The following POLN variants were observed in gnomAD, a reference collection of about 807,000 sequenced individuals.
The protein encoded by POLN is DNA polymerase N.
A neutral mutation model predicts 113.5 loss-of-function variants in POLN; 108 were observed. That is an observed-to-expected ratio of 0.95 (90% CI 0.81 to 1.12). POLN has a LOEUF of 1.12. POLN is among the 50% of genes most tolerant of loss of function. POLN has a pLI of 0.00. For missense variants in POLN, 1,097 were observed against 1,077.1 expected, an observed-to-expected ratio of 1.02 and a Z score of -0.26; for synonymous variants, 386 against 391.5, an observed-to-expected ratio of 0.99 and a Z score of 0.17.
chr4:2,155,725 T>C (rs1732407896), intron 16 of POLN, among the ~76,000 whole-genome samples: 1 of 152,236 alleles, frequency 6.6e-6, no homozygotes, highest in Admixed American at 6.5e-5. Flanking sequence ...ATTTAATTCA[T>C]ATATTTAAAT....
chr4:2,174,824 C>CTTTT (rs35293526), intron 9 of POLN, 73 bp from the exon 10 acceptor site: 20 of 831,670 alleles, frequency 2.4e-5, no homozygotes, highest in Middle Eastern at 3.9e-4. Flanking sequence ...GAAAAGCCTA[C>CTTTT]TTTTTTTTTT....
In POLN at chr4:2,088,605, A is replaced by C. The variant is rs373349881; in HGVS notation, c.2066-2861T>G. On this transcript the variant is annotated intron_variant, in intron 20 of 25. Transcript: ENST00000511885. ...ATTAGCTAATCAACTGATCTACAAC[A>C]ATTTTCATGAAAATCACAATTTGAA... 219 of 626,672 alleles carry C rather than the reference A, an allele frequency of 3.5e-4. 2 individuals are homozygous for C. The South Asian group carries it at 6.1e-3, about 17-fold the overall frequency. 38.8% of individuals were successfully genotyped at this position (626,672 alleles called of 1,614,324 possible).
intron 16 of POLN, among the ~76,000 whole-genome samples, chr4:2,156,135 A>G (rs1300061614): frequency 2.0e-5 from 3 of 152,184 alleles, no homozygotes; most frequent in African/African-American, 7.2e-5. Flanking sequence ...CCTGGCCTAA[A>G]AAATTGTATT....
chr4:2,232,722 G>C (rs1734627542), intron 2 of POLN, among the ~76,000 whole-genome samples: 1 of 152,126 alleles, frequency 6.6e-6, no homozygotes, highest in African/African-American at 2.4e-5. Context: ...TCCTGCTCAA[G>C]AATCTAGCCA....
chr4:2,130,301 G>GGAGGA (rs1561020635), intron 17 of POLN, among the ~76,000 whole-genome samples: 1 of 145,226 alleles, frequency 6.9e-6, no homozygotes, highest in African/African-American at 2.5e-5. Context: ...AGAGGGGAGG[G>GGAGGA]GAGGGGAGGG....
At chr4:2,107,783 G>A (rs1411150613) in intron 19 of POLN, among the ~76,000 whole-genome samples, 1 of 152,192 alleles carries the variant, frequency 6.6e-6, no homozygotes, top group East Asian at 1.9e-4. Flanking sequence ...ATGCTTGTGG[G>A]ACAGCCAGGG....
intron 7 of POLN, among the ~76,000 whole-genome samples, chr4:2,184,683 C>T (rs1470047739): frequency 6.6e-6 from 1 of 152,124 alleles, no homozygotes; most frequent in African/African-American, 2.4e-5. Context: ...TGTAACAGGG[C>T]TCCTTGAAGA....
chr4:2,227,894 A>T (rs1306506957), intron 3 of POLN: 2 of 152,230 alleles, frequency 1.3e-5, no homozygotes, highest in African/African-American at 2.4e-5. Context: ...ATTCAAAAAA[A>T]TATGGAATAA....
intron 2 of POLN, chr4:2,239,100 T>A (rs1412921981): frequency 2.1e-6 from 2 of 932,298 alleles, no homozygotes; most frequent in Non-Finnish European, 3.1e-6. Context: ...GAAATCATCT[T>A]AAGATTATTT....
intron 7 of POLN, among the ~76,000 whole-genome samples, chr4:2,183,876 T>C (rs7658790): frequency 0.25 from 37,105 of 151,320 alleles, 7,042 homozygotes; most frequent in African/African-American, 0.51. Context: ...ATTTACAAGG[T>C]GTTCTTTTTT....
intron 5 of POLN, among the ~76,000 whole-genome samples, chr4:2,203,516 G>A (rs1733767264): frequency 6.6e-6 from 1 of 151,218 alleles, no homozygotes; most frequent in Non-Finnish European, 1.5e-5. Flanking sequence ...GGAGGCAGAG[G>A]TTGCAGAGAG....
At chr4:2,131,842 T>C (rs1443928479) in intron 16 of POLN, among the ~76,000 whole-genome samples, 1 of 152,206 alleles carries the variant, frequency 6.6e-6, no homozygotes, top group Non-Finnish European at 1.5e-5. Flanking sequence ...ACTTGGGCAA[T>C]GTGCAATAGT....
chr4:2,139,830 A>G (rs766471218), intron 16 of POLN: 1 of 152,204 alleles, frequency 6.6e-6, no homozygotes, highest in East Asian at 1.9e-4. Flanking sequence ...AATAGCACTT[A>G]TATCATTTAT....
Position 2,241,527 on chromosome 4 carries a change from T to A in POLN, c.-20A>T, listed in dbSNP as rs2108782331. The A allele has an allele frequency of 1.0e-6, 1 of 985,814 alleles. No homozygotes were observed. Among genetic ancestry groups the A allele is most frequent in the South Asian group, 4.7e-5 (1 of 21,314 alleles). 61.1% of individuals were successfully genotyped at this position (985,814 alleles called of 1,614,324 possible). A position where few individuals can be genotyped will look rare whatever the true frequency, so the allele number is the denominator to read the frequency against. ...GATCAACTAAATATTTACCTCAACGTCTCGCCGGGCAAGGCTCCACCTCCA... is the reference window on the plus strand; with the variant it reads ...GATCAACTAAATATTTACCTCAACGACTCGCCGGGCAAGGCTCCACCTCCA... On this transcript the variant is annotated 5_prime_UTR_variant, in exon 2 of 26. Coordinates refer to ENST00000511885, the MANE Select transcript of POLN (RefSeq NM_181808.4).
At chr4:2,149,303 A>G (rs1732231242) in intron 16 of POLN, among the ~76,000 whole-genome samples, 1 of 151,662 alleles carries the variant, frequency 6.6e-6, no homozygotes, top group African/African-American at 2.4e-5. Context: ...TCAAAAACAA[A>G]CAAACAAACA....
At chr4:2,122,552 C>T (rs544995776) in intron 19 of POLN, among the ~76,000 whole-genome samples, 45 of 152,098 alleles carry the variant, frequency 3.0e-4, no homozygotes, top group South Asian at 1.0e-3. Flanking sequence ...TTCACACTCA[C>T]CAGGATGGCT....
intron 7 of POLN, among the ~76,000 whole-genome samples, chr4:2,188,168 C>A (rs1733327390): frequency 6.6e-6 from 1 of 151,992 alleles, no homozygotes; most frequent in African/African-American, 2.4e-5. Context: ...ACAACTGTCA[C>A]CCAAGAATTC....
At chr4:2,190,364 T>C (rs1177137656) in intron 7 of POLN, among the ~76,000 whole-genome samples, 2 of 151,972 alleles carry the variant, frequency 1.3e-5, no homozygotes. Flanking sequence ...TCTCTCACCA[T>C]ATACAAAAAT....
chr4:2,238,784 G>A (rs780154158), intron 2 of POLN: 1 of 1,613,498 alleles, frequency 6.2e-7, no homozygotes, highest in African/African-American at 1.3e-5. Context: ...AATTTCATAT[G>A]ATAACTGTAG....
Sources: gnomAD v4.1 joint callset for allele counts (sites outside exome capture counted in the v4.1 genomes callset) on GRCh38, gnomAD v4.1.1 for gene constraint, MANE v1.5 for transcripts, NCBI Gene and HGNC (gene_info 2026-07-23, HGNC 2026-07-21) for gene names.